RAB11FIP2: variants seen among roughly 807,000 people sequenced by gnomAD.
RAB11FIP2 encodes rab11 family-interacting protein 2.
Under a neutral mutation model 40.9 loss-of-function variants are expected in RAB11FIP2, and 16 were observed. That is an observed-to-expected ratio of 0.39 (90% CI 0.26 to 0.59). RAB11FIP2 has a LOEUF of 0.59. Ranked by LOEUF, RAB11FIP2 falls within the 20% of genes least tolerant of loss-of-function variation. RAB11FIP2 has a pLI of 0.53. For missense variants in RAB11FIP2, 532 were observed against 606.2 expected (o/e 0.88, Z 1.28); for synonymous variants, 228 against 213.7 (o/e 1.07, Z -0.58).
chr10:118,014,262 C>T (rs1019354743), intron 4 of RAB11FIP2, among the ~76,000 whole-genome samples: 7 of 152,108 alleles, frequency 4.6e-5, no homozygotes, highest in Admixed American at 6.6e-5. Context: ...ACATCTGGAT[C>T]GCACACATCA....
chr10:118,039,129 T>G lies in RAB11FIP2; in HGVS notation c.1108A>C (p.Arg370=). ...CCATTGTTAAGTTTATCAGATCTTC[T>G]GCTATCTTTTTTTCCAGTCACTCTT... ...FERVTGKKDS[R]RSDKLNNGGS... The change falls in exon 3 of 5, where the codon AGA becomes CGA. Residue 370 remains arginine (R), a synonymous_variant. Coordinates refer to ENST00000355624, the MANE Select transcript of RAB11FIP2 (RefSeq NM_014904.3). The G allele has an allele frequency of 6.2e-7, 1 of 1,613,850 alleles. No homozygotes were observed. Among genetic ancestry groups the G allele is most frequent in the Non-Finnish European group, 8.5e-7 (1 of 1,179,818 alleles).
chr10:118,040,410 T>A lies in RAB11FIP2; in HGVS notation c.509A>T (p.Lys170Met). Residue 170 changes from lysine (K) to methionine (M), a missense_variant, in exon 2 of 5, where the codon AAG becomes ATG. By Grantham distance (95) the Lys-to-Met change is moderately conservative (BLOSUM62 -1). Coordinates refer to ENST00000355624, the MANE Select transcript of RAB11FIP2 (RefSeq NM_014904.3). ...TRSPFAKLKD[K>M]MKGRKNDGTF... ...TCCATCATTTTTTCTACCCTTCATC[T>A]TATCTTTTAACTTTGCAAAAGGAGA... 1 of 1,613,884 alleles carries A rather than the reference T, an allele frequency of 6.2e-7. No homozygotes were observed. Among genetic ancestry groups the A allele is most frequent in the Non-Finnish European group, 8.5e-7 (1 of 1,179,786 alleles).
chr10:118,039,163 GCTAA>G lies in RAB11FIP2; in HGVS notation c.1070_1073del (p.Val357AlafsTer6), dbSNP rs754341663. The G allele has an allele frequency of 6.2e-6, 10 of 1,613,672 alleles. No homozygotes were observed. The highest frequency in any genetic ancestry group is 1.3e-5 in the African/African-American group (1 of 74,956). On this transcript the variant is annotated frameshift_variant, in exon 3 of 5. Coordinates refer to ENST00000355624, the MANE Select transcript of RAB11FIP2 (RefSeq NM_014904.3). LOFTEE classifies it high-confidence loss of function. Reference sequence around the variant, plus strand: ...TTTTTCCAGTCACTCTTTCAAACAGGCTAACTTTCTCCCTTTTCTCTCTTTTATT... The same window carrying G: ...TTTTTCCAGTCACTCTTTCAAACAGGCTTTCTCCCTTTTCTCTCTTTTATT...
intron 3 of RAB11FIP2, among the ~76,000 whole-genome samples, chr10:118,027,091 A>G (rs1846351946): frequency 6.6e-6 from 1 of 152,154 alleles, no homozygotes; most frequent in South Asian, 2.1e-4. Context: ...GTATATTAAG[A>G]TCCTAGCAAG....
At chr10:118,014,983 A>T in intron 4 of RAB11FIP2, 82 bp downstream of exon 4, 1 of 1,231,270 alleles carries the variant, frequency 8.1e-7, no homozygotes, top group Non-Finnish European at 1.2e-6. Context: ...AGGCAAGAAG[A>T]CAAAGGCATT....
rs1319987750 is a variant in RAB11FIP2, at chr10:118,005,699, G to A, written c.*3299C>T. 6.6e-6 allele frequency: 1 copy of A among 150,890 alleles called. No individual in the cohort carries two copies. Among genetic ancestry groups the A allele is most frequent in the Non-Finnish European group, 1.5e-5 (1 of 67,770 alleles). 9.3% of individuals were successfully genotyped at this position (150,890 alleles called of 1,614,324 possible). ...TTGCTTCTTCTGAAAAGCTACAGAG[G>A]AAAATAAAAGCTCTAGTGTAACATT... On this transcript the variant is annotated 3_prime_UTR_variant, in exon 5 of 5. Transcript: ENST00000355624.
rs760089810 is a variant in RAB11FIP2 at position 118,015,094 on chromosome 10, T to C, written c.1282A>G (p.Thr428Ala). ...MPSSSFHMSP[T>A]SNEDLRKIPD... ...ATTTTCCTGAGGTCTTCATTGCTTGTTGGACTCATATGAAAACTAATAAAA... is the reference window on the plus strand; with the variant it reads ...ATTTTCCTGAGGTCTTCATTGCTTGCTGGACTCATATGAAAACTAATAAAA... Residue 428 changes from threonine to alanine, a missense_variant, in exon 4 of 5, where the codon ACA (threonine) becomes GCA (alanine). Thr to Ala is a moderately conservative substitution (Grantham distance 58). Coordinates refer to ENST00000355624, the MANE Select transcript of RAB11FIP2 (RefSeq NM_014904.3). 145 of 1,609,832 alleles carry C rather than the reference T, an allele frequency of 9.0e-5. No individual in the cohort carries two copies. The highest frequency in any genetic ancestry group is 1.6e-4 in the Middle Eastern group (1 of 6,072).
At chr10:118,032,913 C>G (rs999543463) in intron 3 of RAB11FIP2, among the ~76,000 whole-genome samples, 1 of 152,020 alleles carries the variant, frequency 6.6e-6, no homozygotes, top group Non-Finnish European at 1.5e-5. Context: ...TGCAGTATTA[C>G]AGTGCTTGTG....
intron 3 of RAB11FIP2, among the ~76,000 whole-genome samples, chr10:118,032,760 A>AT (rs1239145752): frequency 6.6e-6 from 1 of 152,118 alleles, no homozygotes; most frequent in Middle Eastern, 3.2e-3. Context: ...GAGTAGCCTC[A>AT]TGACATGGTA....
At chr10:118,025,335 C>T (rs1456476478) in intron 3 of RAB11FIP2, among the ~76,000 whole-genome samples, 1 of 152,116 alleles carries the variant, frequency 6.6e-6, no homozygotes, top group Non-Finnish European at 1.5e-5. Context: ...AACAGGTGCC[C>T]ACTGATTTAA....
chr10:118,030,301 A>G (rs1212076870), intron 3 of RAB11FIP2, among the ~76,000 whole-genome samples: 1 of 152,134 alleles, frequency 6.6e-6, no homozygotes, highest in African/African-American at 2.4e-5. Context: ...CTGGAATACA[A>G]TCTTACTACT....
intron 1 of RAB11FIP2, among the ~76,000 whole-genome samples, chr10:118,040,845 C>T (rs1305010732): frequency 7.9e-5 from 12 of 152,044 alleles, no homozygotes; most frequent in Admixed American, 7.9e-4. Context: ...ATTTGAAAAT[C>T]ACTCATCATC....
rs1846647938 is a variant in RAB11FIP2 at position 118,046,717 on chromosome 10, C to G, written c.-554G>C. 6.6e-6 allele frequency: 1 copy of G among 152,300 alleles called. No individual in the cohort carries two copies. Among genetic ancestry groups the G allele is most frequent in the South Asian group, 2.1e-4 (1 of 4,850 alleles). 9.4% of individuals were successfully genotyped at this position (152,300 alleles called of 1,614,324 possible). On this transcript the variant is annotated 5_prime_UTR_variant, in exon 1 of 5. Transcript: ENST00000355624. ...CAAACCTCTCCCTCCTCCTCCTCCC[C>G]CTCGCCTCAGCTCCTCCTCTCGGGC... is the stretch of plus-strand genomic sequence containing the variant.
In RAB11FIP2 at chr10:118,007,012, CATATTATTATAGTATCTGCAG is replaced by C. The variant is rs1054641733; in HGVS notation, c.*1965_*1985del. 1 of 152,270 alleles carries C rather than the reference CATATTATTATAGTATCTGCAG, an allele frequency of 6.6e-6. No individual in the cohort carries two copies. The highest frequency in any genetic ancestry group is 2.4e-5 in the African/African-American group (1 of 41,354). 9.4% of individuals were successfully genotyped at this position (152,270 alleles called of 1,614,324 possible). On this transcript the variant is annotated 3_prime_UTR_variant, in exon 5 of 5. Transcript: ENST00000355624. The stretch of plus-strand genomic sequence containing the variant: ...CTATAAACAGCAAATTTGGCCAAAG[CATATTATTATAGTATCTGCAG>C]ATACTGTCATAATACTGAAAACATA...
chr10:118,042,911 G>A (rs945042567), intron 1 of RAB11FIP2, among the ~76,000 whole-genome samples: 11 of 152,008 alleles, frequency 7.2e-5, no homozygotes, highest in African/African-American at 2.7e-4. Flanking sequence ...TAGTTGCTTT[G>A]TTTTGAAAAT....
At chr10:118,017,326 C>A (rs1233398658) in intron 3 of RAB11FIP2, among the ~76,000 whole-genome samples, 1 of 152,156 alleles carries the variant, frequency 6.6e-6, no homozygotes, top group Non-Finnish European at 1.5e-5. Flanking sequence ...AGAAGGCACA[C>A]GGTAGAGATG....
At chr10:118,025,967 A>T (rs1846337974) in intron 3 of RAB11FIP2, among the ~76,000 whole-genome samples, 1 of 152,224 alleles carries the variant, frequency 6.6e-6, no homozygotes, top group African/African-American at 2.4e-5. Context: ...CACATTCTAT[A>T]TCTACCTGCT....
intron 3 of RAB11FIP2, among the ~76,000 whole-genome samples, chr10:118,033,204 T>C (rs1220694416): frequency 1.3e-5 from 2 of 152,076 alleles, no homozygotes; most frequent in African/African-American, 4.8e-5. Flanking sequence ...TTAGCAATTT[T>C]TAAACCCGAT....
At chr10:118,022,786 T>G (rs1217602505) in intron 3 of RAB11FIP2, among the ~76,000 whole-genome samples, 1 of 152,132 alleles carries the variant, frequency 6.6e-6, no homozygotes, top group East Asian at 1.9e-4. Context: ...AGTGCCAGCA[T>G]GAAAAATTCC....
Sources: allele counts gnomAD v4.1 joint callset (sites outside exome capture counted in the v4.1 genomes callset), GRCh38; gene constraint gnomAD v4.1.1; transcripts MANE v1.5; gene names NCBI Gene and HGNC (gene_info 2026-07-23, HGNC 2026-07-21).